Variants in AK3 observed in about 807,000 individuals in gnomAD.
AK3 encodes the protein GTP:AMP phosphotransferase AK3, mitochondrial.
In AK3, 27 loss-of-function variants were observed where a neutral mutation model predicts 23.7. The ratio of observed to expected loss-of-function variants is 1.14; its 90% CI spans 0.84 to 1.57. The LOEUF is 1.57. Among genes scored for constraint, AK3 ranks in the 40% most tolerant of loss-of-function variants. The probability of loss-of-function intolerance (pLI) is 0.00; values close to 1 mark genes in which losing one functional copy is unlikely to be tolerated. For synonymous variants in AK3, 159 were observed against 116.0 expected (o/e 1.37, Z -2.38); for missense variants, 406 against 285.6 (o/e 1.42, Z -3.04).
At chr9:4,720,943 C>T (rs1841879773) in intron 2 of AK3, among the ~76,000 whole-genome samples, 1 of 152,078 alleles carries the variant, frequency 6.6e-6, no homozygotes, top group African/African-American at 2.4e-5. Context: ...TTCCTGCTGC[C>T]AAAGATAACC....
Position 4,719,540 on chromosome 9 carries a change from A to T in AK3, c.272-233T>A, listed in dbSNP as rs546530401. Among the ~76,000 whole-genome samples, 3 of 152,222 alleles carry T rather than the reference A, an allele frequency of 2.0e-5. No homozygotes were observed. In the East Asian group the frequency reaches 5.8e-4, roughly 29 times the overall value. ...ATATTTGGCAAATATTATGCTGGGTATATCTGTCAGGCTGCTTTTGTTATG... is the reference window on the plus strand; with the variant it reads ...ATATTTGGCAAATATTATGCTGGGTTTATCTGTCAGGCTGCTTTTGTTATG... On this transcript the variant is annotated intron_variant, in intron 2 of 4. Coordinates refer to ENST00000381809, the MANE Select transcript of AK3 (RefSeq NM_016282.4).
rs1348443367 is a variant in AK3 at position 4,712,090 on chromosome 9, A to G, written c.*886T>C. ...TTTTATTGGCGGGGGAGATGGTACTATAACTTGTTATTTATCAGGGCAGAT... is the reference window on the plus strand; with the variant it reads ...TTTTATTGGCGGGGGAGATGGTACTGTAACTTGTTATTTATCAGGGCAGAT... On this transcript the variant is annotated 3_prime_UTR_variant, in exon 5 of 5. Coordinates refer to ENST00000381809, the MANE Select transcript of AK3 (RefSeq NM_016282.4). The G allele has an allele frequency of 1.3e-5, 2 of 152,186 alleles. No homozygotes were observed. Among genetic ancestry groups the G allele is most frequent in the African/African-American group, 4.8e-5 (2 of 41,526 alleles). The allele number at this position is 152,186 out of a possible 1,614,324, so 9.4% of individuals were successfully genotyped here. A position where few individuals can be genotyped will look rare whatever the true frequency, so the allele number is the denominator to read the frequency against.
At chr9:4,719,071 G>A in intron 3 of AK3, 64 bp downstream of exon 3, 1 of 1,571,794 alleles carries the variant, frequency 6.4e-7, no homozygotes, top group South Asian at 1.1e-5. Context: ...CTCAACTTAT[G>A]TCTGTTAGGG....
At chr9:4,729,731 G>A (rs1236320038) in intron 1 of AK3, among the ~76,000 whole-genome samples, 1 of 151,764 alleles carries the variant, frequency 6.6e-6, no homozygotes, top group Non-Finnish European at 1.5e-5. Context: ...GGAGGCTCAG[G>A]TGGGAGTATC....
Position 4,712,867 on chromosome 9 carries a change from T to TA in AK3, c.*108dup. 7.2e-6 allele frequency: 9 copies of TA among 1,248,730 alleles called. No individual in the cohort carries two copies. The allele number at this position is 1,248,730 out of a possible 1,614,324, so 77.4% of individuals were successfully genotyped here. On this transcript the variant is annotated 3_prime_UTR_variant, in exon 5 of 5. Transcript: ENST00000381809. ...AAAATCAGTAGAAATAAAAGTAATATAATTTTCAAAGAATTCATACATACT... is the reference window on the plus strand; with the variant it reads ...AAAATCAGTAGAAATAAAAGTAATATAAATTTTCAAAGAATTCATACATACT...
Position 4,718,909 on chromosome 9 carries a change from G to C in AK3, c.444+226C>G, listed in dbSNP as rs568915508. On this transcript the variant is annotated intron_variant, in intron 3 of 4. Coordinates refer to ENST00000381809, the MANE Select transcript of AK3 (RefSeq NM_016282.4). ...TCCTAACACACTCCTTGGCAGAGCA[G>C]GAAATCAACAAATGTTTTTGAATGA... Among the ~76,000 whole-genome samples, 4 of 152,314 alleles carry C rather than the reference G, an allele frequency of 2.6e-5. No homozygotes were observed. In the South Asian group the frequency reaches 8.3e-4, roughly 32 times the overall value.
At chr9:4,719,337 GAAAAAAGAAA>G in intron 2 of AK3, 30 bp from the exon 3 acceptor site, 1 of 294,354 alleles carries the variant, frequency 3.4e-6, no homozygotes. Flanking sequence ...AAAAGAAGAA[GAAAAAAGAAA>G]GGAAGTATGG....
At chr9:4,739,747 C>T (rs1044096179) in intron 1 of AK3, among the ~76,000 whole-genome samples, 3 of 151,882 alleles carry the variant, frequency 2.0e-5, no homozygotes, top group African/African-American at 7.3e-5. Flanking sequence ...CTGGCTAACA[C>T]AGTGAAACCC....
At chr9:4,730,794 T>C (rs1342434198) in intron 1 of AK3, among the ~76,000 whole-genome samples, 2 of 152,228 alleles carry the variant, frequency 1.3e-5, no homozygotes, top group African/African-American at 2.4e-5. Context: ...GATTTTTGTG[T>C]GATGAGAAAG....
At chr9:4,727,842 C>T (rs1842053392) in intron 1 of AK3, among the ~76,000 whole-genome samples, 1 of 152,134 alleles carries the variant, frequency 6.6e-6, no homozygotes, top group South Asian at 2.1e-4. Context: ...CACTCTCTTC[C>T]TTTAACTTGA....
intron 1 of AK3, among the ~76,000 whole-genome samples, chr9:4,728,835 ATATATATATATATATATAT>A (rs747355850): frequency 0.35 from 47,144 of 134,836 alleles, 8,344 homozygotes; most frequent in Admixed American, 0.41. Flanking sequence ...GTCTCTACAT[ATATATATATATATATATAT>A]ATATATATAT....
chr9:4,732,290 T>C (rs890035624), intron 1 of AK3, among the ~76,000 whole-genome samples: 1 of 152,032 alleles, frequency 6.6e-6, no homozygotes, highest in African/African-American at 2.4e-5. Flanking sequence ...CTTGGTTTAT[T>C]ATAAGAATAC....
chr9:4,721,557 C>T (rs1841895784), intron 2 of AK3, among the ~76,000 whole-genome samples: 2 of 150,210 alleles, frequency 1.3e-5, no homozygotes, highest in South Asian at 4.2e-4. Flanking sequence ...CCTCCCAGTT[C>T]AAGCAATTCC....
chr9:4,739,657 C>T (rs1046623552), intron 1 of AK3, among the ~76,000 whole-genome samples: 2 of 152,086 alleles, frequency 1.3e-5, no homozygotes, highest in Admixed American at 6.6e-5. Context: ...GTTGGCCGGG[C>T]GCGGTGGCTC....
rs918945673 is a variant in AK3, at chr9:4,710,625, A to T, written c.*2351T>A. On this transcript the variant is annotated 3_prime_UTR_variant, in exon 5 of 5. Coordinates refer to ENST00000381809, the MANE Select transcript of AK3 (RefSeq NM_016282.4). ...TAAATCTTAATGATGGTCATTACAG[A>T]ATTATTTTTTTGGGTGGGGGCAGTG... is the stretch of plus-strand genomic sequence containing the variant. 50 of 152,270 alleles carry T rather than the reference A, an allele frequency of 3.3e-4. No individual in the cohort carries two copies. Among genetic ancestry groups the T allele is most frequent in the African/African-American group, 1.2e-3 (50 of 41,538 alleles). 9.4% of individuals were successfully genotyped at this position (152,270 alleles called of 1,614,324 possible).
chr9:4,734,754 T>C (rs1475451444), intron 1 of AK3, among the ~76,000 whole-genome samples: 1 of 152,222 alleles, frequency 6.6e-6, no homozygotes, highest in African/African-American at 2.4e-5. Context: ...AACCCAAATG[T>C]TCACCAACTT....
intron 1 of AK3, among the ~76,000 whole-genome samples, chr9:4,729,771 TGTTGA>T (rs1401406174): frequency 1.3e-5 from 2 of 150,618 alleles, no homozygotes; most frequent in African/African-American, 4.9e-5. Context: ...AGGCTGCTGC[TGTTGA>T]GTTATGATTG....
At chr9:4,725,264 G>A (rs530059411) in intron 1 of AK3, among the ~76,000 whole-genome samples, 3 of 151,424 alleles carry the variant, frequency 2.0e-5, no homozygotes, top group South Asian at 2.1e-4. Context: ...TGATCTGCCC[G>A]CCTCGGCCTC....
At chr9:4,723,228 G>C (rs1049980814) in intron 1 of AK3, among the ~76,000 whole-genome samples, 1 of 152,160 alleles carries the variant, frequency 6.6e-6, no homozygotes, top group Non-Finnish European at 1.5e-5. Flanking sequence ...GAATTGAGTG[G>C]TTTTGAAAAT....
Sources: gnomAD v4.1 joint callset for allele counts (sites outside exome capture counted in the v4.1 genomes callset) on GRCh38, gnomAD v4.1.1 for gene constraint, MANE v1.5 for transcripts, NCBI Gene and HGNC (gene_info 2026-07-23, HGNC 2026-07-21) for gene names.